Variants in MANBA observed in about 807,000 individuals in gnomAD.
The protein encoded by MANBA is mannosidase beta.
A neutral mutation model predicts 111.1 loss-of-function variants in MANBA; 83 were observed. That is an observed-to-expected ratio of 0.75 (90% CI 0.63 to 0.90). The LOEUF is 0.90. MANBA is among the 40% of genes least tolerant of loss of function. The probability of loss-of-function intolerance (pLI) is 0.00; values close to 1 mark genes in which losing one functional copy is unlikely to be tolerated. For missense variants in MANBA, 1,036 were observed against 1,069.0 expected (o/e 0.97, Z 0.43); for synonymous variants, 370 against 378.7 (o/e 0.98, Z 0.27).
At chr4:102,636,805 C>T (rs1464829464) in intron 14 of MANBA, among the ~76,000 whole-genome samples, 3 of 152,136 alleles carry the variant, frequency 2.0e-5, no homozygotes, top group Non-Finnish European at 2.9e-5. Context: ...GGTTTTCCTA[C>T]TGTAATATTA....
chr4:102,738,896 T>C (rs1723308533), intron 1 of MANBA, among the ~76,000 whole-genome samples: 1 of 151,870 alleles, frequency 6.6e-6, no homozygotes, highest in Non-Finnish European at 1.5e-5. Context: ...GAAACAGATA[T>C]CATAAAGAAA....
At chr4:102,742,394 A>G (rs535497093) in intron 1 of MANBA, among the ~76,000 whole-genome samples, 1 of 152,318 alleles carries the variant, frequency 6.6e-6, no homozygotes, top group African/African-American at 2.4e-5. Context: ...TCCTGGACCT[A>G]TGAATCTTGG....
rs1366631110 is a variant in MANBA at position 102,690,656 on chromosome 4, T to C, written c.789A>G (p.Thr263=). 1.9e-6 allele frequency: 3 copies of C among 1,612,526 alleles called. No individual in the cohort carries two copies. The highest frequency in any genetic ancestry group is 2.5e-6 in the Non-Finnish European group (3 of 1,178,958). ...VAIPKLQTQQ[T]YSIELQPGKR... is the part of the protein sequence containing the mutation. Reference sequence around the variant, plus strand: ...TCCCAGGTTGAAGTTCAATGCTGTATGTCTGTTGTGTTTGCAACTTAGGGA... The same window carrying C: ...TCCCAGGTTGAAGTTCAATGCTGTACGTCTGTTGTGTTTGCAACTTAGGGA... The change falls in exon 6 of 17, where the codon ACA becomes ACG. Residue 263 remains threonine (T), a synonymous_variant. Coordinates refer to ENST00000647097, the MANE Select transcript of MANBA (RefSeq NM_005908.4).
At chr4:102,646,682 T>C (rs1381139212) in intron 13 of MANBA, among the ~76,000 whole-genome samples, 2 of 152,126 alleles carry the variant, frequency 1.3e-5, no homozygotes, top group African/African-American at 2.4e-5. Context: ...ATTTAGATAG[T>C]TGGTCCTCAA....
intron 1 of MANBA, among the ~76,000 whole-genome samples, chr4:102,738,400 G>T (rs765937380): frequency 1.3e-5 from 2 of 152,220 alleles, no homozygotes; most frequent in Non-Finnish European, 2.9e-5. Flanking sequence ...ATGGCTAGGA[G>T]ACCTGAACGT....
At chr4:102,720,478 G>A (rs1357622935) in intron 4 of MANBA, among the ~76,000 whole-genome samples, 4 of 151,588 alleles carry the variant, frequency 2.6e-5, no homozygotes, top group East Asian at 1.9e-4. Flanking sequence ...GGTGGCAGGC[G>A]CCTGTAATCC....
chr4:102,728,816 A>C, intron 1 of MANBA: 1 of 906,792 alleles, frequency 1.1e-6, no homozygotes, highest in Non-Finnish European at 1.7e-6. Flanking sequence ...CTTCACAACC[A>C]CTGCCCTGGT....
chr4:102,660,759 T>A (rs1325855517), intron 11 of MANBA, among the ~76,000 whole-genome samples: 2 of 148,882 alleles, frequency 1.3e-5, no homozygotes, highest in African/African-American at 2.4e-5. Context: ...CCAGCTTTAA[T>A]TTAATATATT....
intron 5 of MANBA, among the ~76,000 whole-genome samples, chr4:102,711,576 T>G (rs1424596501): frequency 6.6e-6 from 1 of 152,142 alleles, no homozygotes; most frequent in Non-Finnish European, 1.5e-5. Flanking sequence ...AGTAGAGTCA[T>G]TACCATACAA....
chr4:102,664,590 A>G (rs1731130176), intron 11 of MANBA, 95 bp downstream of exon 11: 3 of 1,085,010 alleles, frequency 2.8e-6, no homozygotes, highest in Middle Eastern at 2.2e-4. Context: ...CGCCCGCCTC[A>G]GCCTCCCAAA....
rs150996745 is a variant in MANBA at position 102,671,923 on chromosome 4, A to C, written c.1113-525T>G. The C allele has an allele frequency of 4.3e-3, 1,782 of 413,406 alleles. 5 individuals are homozygous for C. Among genetic ancestry groups the C allele is most frequent in the Non-Finnish European group, 5.7e-3 (1,351 of 236,330 alleles). 25.6% of individuals were successfully genotyped at this position (413,406 alleles called of 1,614,324 possible). ...GCTTGAGAGCATGTACCTTCCCTCC[A>C]TTCCCAGAACAGTGCTCAAACCAAG... On this transcript the variant is annotated intron_variant, in intron 8 of 16. Transcript: ENST00000647097.
At position 102,657,758 on chromosome 4, in the gene MANBA, C is replaced by T. The variant is rs1309076303; in HGVS notation, c.1628G>A (p.Trp543Ter). 2 of 1,613,780 alleles carry T rather than the reference C, an allele frequency of 1.2e-6. No homozygotes were observed. The highest frequency in any genetic ancestry group is 1.7e-6 in the Non-Finnish European group (2 of 1,179,852). ...AAATCGAGCTTTTGGGAAAACTTTC[C>T]AGTTCCAGCAATCACTGATATAGTC... is the stretch of plus-strand genomic sequence containing the variant. ...FYDYISDCWNWKVFPKARFAS... is the reference protein window; with the variant it reads ...FYDYISDCWN Residue 543 changes from tryptophan to a stop codon, truncating the protein, a stop_gained, in exon 12 of 17, where the codon TGG (tryptophan) becomes TAG (stop). Transcript: ENST00000647097. LOFTEE classifies it high-confidence loss of function.
intron 1 of MANBA, chr4:102,729,939 A>T (rs1362315660): frequency 4.0e-6 from 5 of 1,251,678 alleles, no homozygotes; most frequent in Non-Finnish European, 5.8e-6. Context: ...GTCCACCTCC[A>T]GGTTAAGGGG....
chr4:102,723,794 C>A, intron 3 of MANBA, 68 bp downstream of exon 3: 2 of 852,786 alleles, frequency 2.3e-6, no homozygotes, highest in Non-Finnish European at 3.9e-6. Context: ...TTACTTTTCT[C>A]TACTCACAAA....
chr4:102,744,166 C>T (rs536775941), intron 1 of MANBA, among the ~76,000 whole-genome samples: 8 of 152,192 alleles, frequency 5.3e-5, no homozygotes, highest in Non-Finnish European at 8.8e-5. Flanking sequence ...GCCCACAGGA[C>T]GTTGTGCCTC....
intron 14 of MANBA, among the ~76,000 whole-genome samples, chr4:102,639,415 T>G (rs1292979233): frequency 6.6e-6 from 1 of 152,240 alleles, no homozygotes; most frequent in African/African-American, 2.4e-5. Flanking sequence ...TTCAAAATTC[T>G]ATGCGTAATA....
At chr4:102,749,048 G>T (rs1332970345) in intron 1 of MANBA, among the ~76,000 whole-genome samples, 1 of 151,862 alleles carries the variant, frequency 6.6e-6, no homozygotes, top group East Asian at 1.9e-4. Flanking sequence ...TTAAGGAATG[G>T]TTATAAGACA....
intron 1 of MANBA, chr4:102,730,703 C>T (rs1286142008): frequency 1.9e-6 from 1 of 533,674 alleles, no homozygotes; most frequent in Non-Finnish European, 3.8e-6. Flanking sequence ...ATGAACGCTC[C>T]TTCTGGATTC....
At chr4:102,647,455 C>T (rs1730152013) in intron 13 of MANBA, among the ~76,000 whole-genome samples, 1 of 151,304 alleles carries the variant, frequency 6.6e-6, no homozygotes, top group African/African-American at 2.4e-5. Context: ...AAAATTATTT[C>T]TATCAGTTCT....
Sources: gnomAD v4.1 joint callset for allele counts (sites outside exome capture counted in the v4.1 genomes callset) on GRCh38, gnomAD v4.1.1 for gene constraint, MANE v1.5 for transcripts, NCBI Gene and HGNC (gene_info 2026-07-23, HGNC 2026-07-21) for gene names.